SYCP1: variants seen among roughly 807,000 people sequenced by gnomAD.
SYCP1 encodes synaptonemal complex protein 1.
SYCP1 carries 64 observed loss-of-function variants against 153.1 expected under a neutral mutation model. That is an observed-to-expected ratio of 0.42 (90% CI 0.34 to 0.51). The LOEUF (loss-of-function observed/expected upper bound fraction) is 0.51. Among genes scored for constraint, SYCP1 ranks in the 20% least tolerant of loss-of-function variants. The probability of loss-of-function intolerance (pLI) is 0.06; values close to 1 mark genes in which losing one functional copy is unlikely to be tolerated. For synonymous variants in SYCP1, 384 were observed against 341.8 expected, an observed-to-expected ratio of 1.12 and a Z score of -1.36; for missense variants, 997 against 1,049.0, an observed-to-expected ratio of 0.95 and a Z score of 0.68.
In SYCP1 at chr1:114,979,373, G is replaced by A. The variant is rs61201591; in HGVS notation, c.2382+1757G>A. Among the ~76,000 whole-genome samples the A allele has an allele frequency of 6.8e-3, 1,033 of 151,786 alleles. 7 individuals carry two copies. The highest frequency in any genetic ancestry group is 0.023 in the African/African-American group (975 of 41,496). Reference sequence around the variant, plus strand: ...CATAGCACATGCCTTATAAATGTTTGTTTGAAAAATACAACAGAGAAAATT... The same window carrying A: ...CATAGCACATGCCTTATAAATGTTTATTTGAAAAATACAACAGAGAAAATT... On this transcript the variant is annotated intron_variant, in intron 28 of 31. Coordinates refer to ENST00000369522, the MANE Select transcript of SYCP1 (RefSeq NM_003176.4).
chr1:114,974,567 A>C (rs1672693286), intron 27 of SYCP1, among the ~76,000 whole-genome samples: 1 of 151,792 alleles, frequency 6.6e-6, no homozygotes, highest in South Asian at 2.1e-4. Context: ...TGAATACTTT[A>C]TATGAGTGGA....
chr1:114,891,151 G>A (rs1557775759), intron 15 of SYCP1, among the ~76,000 whole-genome samples: 1 of 152,026 alleles, frequency 6.6e-6, no homozygotes, highest in Non-Finnish European at 1.5e-5. Flanking sequence ...CTTCCTTGAT[G>A]GTATTTTCTT....
intron 30 of SYCP1, among the ~76,000 whole-genome samples, chr1:114,988,212 G>A (rs898361177): frequency 6.6e-6 from 1 of 151,580 alleles, no homozygotes; most frequent in Non-Finnish European, 1.5e-5. Context: ...AGAGGAAGAG[G>A]TGGGGGGGTA....
chr1:114,894,037 G>C (rs1241782555), intron 15 of SYCP1, among the ~76,000 whole-genome samples: 3 of 149,402 alleles, frequency 2.0e-5, no homozygotes, highest in African/African-American at 7.4e-5. Context: ...TGTTAATGTT[G>C]TTCTTTTATA....
intron 16 of SYCP1, among the ~76,000 whole-genome samples, chr1:114,907,616 C>T (rs1667898770): frequency 7.1e-6 from 1 of 141,472 alleles, no homozygotes; most frequent in Non-Finnish European, 1.5e-5. Context: ...GAGTCTTGCT[C>T]TGTTGCCCAG....
intron 15 of SYCP1, among the ~76,000 whole-genome samples, chr1:114,894,309 G>A (rs1666918729): frequency 6.6e-6 from 1 of 152,122 alleles, no homozygotes; most frequent in African/African-American, 2.4e-5. Context: ...AATGTACAGA[G>A]TTTGAGAAAT....
rs755390839 is a variant in SYCP1, at chr1:114,914,065, C to A, written c.1718+20C>A. 3 of 1,506,114 alleles carry A rather than the reference C, an allele frequency of 2.0e-6. No individual in the cohort carries two copies. The highest frequency in any genetic ancestry group is 1.4e-5 in the South Asian group (1 of 71,618). 93.3% of individuals were successfully genotyped at this position (1,506,114 alleles called of 1,614,324 possible). A position where few individuals can be genotyped will look rare whatever the true frequency, so the allele number is the denominator to read the frequency against. ...ATTAAGGCAAGACTAACAAATTGGC[C>A]TTTTTTTGTCTGGCAAAAGATTTTG... On this transcript the variant is annotated intron_variant, in intron 20 of 31. Coordinates refer to ENST00000369522, the MANE Select transcript of SYCP1 (RefSeq NM_003176.4).
intron 16 of SYCP1, among the ~76,000 whole-genome samples, chr1:114,906,257 G>A (rs746966273): frequency 6.6e-5 from 10 of 152,070 alleles, no homozygotes; most frequent in South Asian, 2.1e-4. Context: ...GTGAGCCACC[G>A]TGACCGGCCC....
intron 15 of SYCP1, among the ~76,000 whole-genome samples, chr1:114,892,031 G>C (rs1666740932): frequency 1.3e-5 from 2 of 152,180 alleles, no homozygotes; most frequent in Admixed American, 6.5e-5. Flanking sequence ...ATATGGGTGA[G>C]TGCCAGCTGT....
chr1:114,858,492 AGTTTG>A, intron 5 of SYCP1, 50 bp from the exon 6 acceptor site: 1 of 1,433,396 alleles, frequency 7.0e-7, no homozygotes, highest in Non-Finnish European at 9.4e-7. Context: ...AGGCAGCTGT[AGTTTG>A]GTTATATTAG....
At chr1:114,961,110 T>A (rs1199992226) in intron 27 of SYCP1, among the ~76,000 whole-genome samples, 4 of 152,176 alleles carry the variant, frequency 2.6e-5, no homozygotes, top group Admixed American at 2.0e-4. Flanking sequence ...AATTTATCCA[T>A]CTCTTCTAGG....
intron 8 of SYCP1, among the ~76,000 whole-genome samples, chr1:114,870,641 C>G (rs545744328): frequency 1.3e-5 from 2 of 152,252 alleles, no homozygotes; most frequent in South Asian, 4.1e-4. Flanking sequence ...TTGACATTCT[C>G]TTTTGTAGAG....
chr1:114,871,990 T>C (rs1037873698), intron 8 of SYCP1, among the ~76,000 whole-genome samples: 1 of 151,000 alleles, frequency 6.6e-6, no homozygotes, highest in Non-Finnish European at 1.5e-5. Flanking sequence ...TGATGCTCTT[T>C]TTTTTCTTTC....
intron 15 of SYCP1, 135 bp from the exon 16 acceptor site, chr1:114,895,313 A>G (rs1666983646): frequency 4.6e-6 from 2 of 438,786 alleles, no homozygotes; most frequent in Non-Finnish European, 8.3e-6. Context: ...GACTCCCTCT[A>G]TGCTTTACAT....
intron 20 of SYCP1, among the ~76,000 whole-genome samples, chr1:114,916,067 A>G (rs1668489494): frequency 6.6e-6 from 1 of 152,196 alleles, no homozygotes; most frequent in African/African-American, 2.4e-5. Flanking sequence ...AGCTTCCCAT[A>G]GGTGTACCCA....
chr1:114,873,300 T>G (rs1462323095), intron 8 of SYCP1, among the ~76,000 whole-genome samples: 1 of 152,208 alleles, frequency 6.6e-6, no homozygotes, highest in Non-Finnish European at 1.5e-5. Flanking sequence ...GAGTATTCTA[T>G]AGACCTATGG....
In SYCP1 at chr1:114,902,536, T is replaced by G. The variant is rs374881444; in HGVS notation, c.1320+7027T>G. 1.2e-4 allele frequency among the ~76,000 whole-genome samples: 17 copies of G among 144,350 alleles called. No individual in the cohort carries two copies. In the East Asian group the frequency reaches 2.9e-3, roughly 25 times the overall value. 94.7% of individuals were successfully genotyped at this position (144,350 alleles called of 152,430 possible). ...ACAGATTGAATCCCTGGTTACCACA[T>G]AAGAGCAGGAGGGGTCAAGTTCATC... On this transcript the variant is annotated intron_variant, in intron 16 of 31. Transcript: ENST00000369522.
intron 16 of SYCP1, among the ~76,000 whole-genome samples, chr1:114,909,839 G>T (rs1336986456): frequency 1.3e-5 from 2 of 152,136 alleles, no homozygotes; most frequent in African/African-American, 4.8e-5. Context: ...TCTTGCATTT[G>T]TTTTGGCACA....
At chr1:114,917,625 T>C (rs1668594591) in intron 20 of SYCP1, among the ~76,000 whole-genome samples, 1 of 152,156 alleles carries the variant, frequency 6.6e-6, no homozygotes, top group Non-Finnish European at 1.5e-5. Flanking sequence ...CCTTTTTCTC[T>C]GCATCCTCGC....
Sources: gnomAD v4.1 joint callset for allele counts (sites outside exome capture counted in the v4.1 genomes callset) on GRCh38, gnomAD v4.1.1 for gene constraint, MANE v1.5 for transcripts, NCBI Gene and HGNC (gene_info 2026-07-23, HGNC 2026-07-21) for gene names.